BRINP1: variants seen among roughly 807,000 people sequenced by gnomAD.
BRINP1 encodes the protein BMP/retinoic acid inducible neural specific 1.
A neutral mutation model predicts 72.9 loss-of-function variants in BRINP1; 17 were observed. The observed-to-expected ratio is 0.23, with a 90% CI of 0.16 to 0.35. BRINP1 has a LOEUF of 0.35. BRINP1 is among the 10% of genes least tolerant of loss of function. The probability of loss-of-function intolerance (pLI) is 1.00; values close to 1 mark genes in which losing one functional copy is unlikely to be tolerated. For synonymous variants in BRINP1, 418 were observed against 378.5 expected (o/e 1.10, Z -1.21); for missense variants, 850 against 1,001.6 (o/e 0.85, Z 2.04).
At chr9:119,177,564 G>C (rs978945046) in intron 7 of BRINP1, among the ~76,000 whole-genome samples, 5 of 152,226 alleles carry the variant, frequency 3.3e-5, no homozygotes, top group African/African-American at 1.2e-4. Context: ...GAGTTCCTCT[G>C]TTCCCATCTG....
intron 2 of BRINP1, among the ~76,000 whole-genome samples, chr9:119,285,114 A>G (rs1830746238): frequency 6.6e-6 from 1 of 151,738 alleles, no homozygotes; most frequent in Non-Finnish European, 1.5e-5. Flanking sequence ...CACGGTTCCC[A>G]AGGCCTTCTG....
At chr9:119,344,439 G>A (rs1831432372) in intron 1 of BRINP1, among the ~76,000 whole-genome samples, 1 of 152,104 alleles carries the variant, frequency 6.6e-6, no homozygotes, top group Non-Finnish European at 1.5e-5. Flanking sequence ...ATACTGTCTT[G>A]CTCACTTTTA....
intron 7 of BRINP1, among the ~76,000 whole-genome samples, chr9:119,178,992 AC>A (rs1829522516): frequency 6.6e-6 from 1 of 152,128 alleles, no homozygotes; most frequent in South Asian, 2.1e-4. Flanking sequence ...TCCTCCACTC[AC>A]AGATAATTGG....
At position 119,312,576 on chromosome 9, in the gene BRINP1, G is replaced by A. The variant is rs114395510; in HGVS notation, c.218+562C>T. 8.3e-3 allele frequency among the ~76,000 whole-genome samples: 1,267 copies of A among 152,250 alleles called. 19 individuals are homozygous for A. The highest frequency in any genetic ancestry group is 0.029 in the African/African-American group (1,216 of 41,534). On this transcript the variant is annotated intron_variant, in intron 2 of 7. Transcript: ENST00000265922. Reference sequence around the variant, plus strand: ...TTTTTTGGATGAGTAGAATGTCAACGGTCCAAGAACCAGTACAGACCTGCT... The same window carrying A: ...TTTTTTGGATGAGTAGAATGTCAACAGTCCAAGAACCAGTACAGACCTGCT...
At chr9:119,287,502 G>A (rs929752535) in intron 2 of BRINP1, among the ~76,000 whole-genome samples, 8 of 152,164 alleles carry the variant, frequency 5.3e-5, no homozygotes, top group African/African-American at 1.7e-4. Flanking sequence ...CTCAATTGGT[G>A]AGATACATCA....
intron 2 of BRINP1, among the ~76,000 whole-genome samples, chr9:119,258,821 T>C (rs1205438697): frequency 6.6e-6 from 1 of 152,170 alleles, no homozygotes; most frequent in Non-Finnish European, 1.5e-5. Context: ...ACCTGGAAGA[T>C]AGGGAGTATG....
chr9:119,283,094 T>C (rs1830729206), intron 2 of BRINP1: 1 of 985,250 alleles, frequency 1.0e-6, no homozygotes, highest in East Asian at 1.1e-4. Flanking sequence ...AGACTAGCAG[T>C]TCACAGAGCT....
chr9:119,211,056 A>G (rs1161236157), intron 6 of BRINP1, among the ~76,000 whole-genome samples: 7 of 152,302 alleles, frequency 4.6e-5, no homozygotes, highest in African/African-American at 1.7e-4. Context: ...GAAAACATAA[A>G]GCTTATCTTG....
intron 1 of BRINP1, among the ~76,000 whole-genome samples, chr9:119,340,636 C>A (rs1831396932): frequency 6.6e-6 from 1 of 152,204 alleles, no homozygotes; most frequent in Non-Finnish European, 1.5e-5. Context: ...CTCTCCAAAC[C>A]TCATTTTCTG....
At chr9:119,172,002 T>C (rs1305523009) in intron 7 of BRINP1, among the ~76,000 whole-genome samples, 1 of 129,418 alleles carries the variant, frequency 7.7e-6, no homozygotes, top group Non-Finnish European at 1.5e-5. Context: ...GGGAAATTTA[T>C]AGCACTAAAT....
At chr9:119,207,795 T>A (rs180754410) in intron 7 of BRINP1, among the ~76,000 whole-genome samples, 404 of 152,302 alleles carry the variant, frequency 2.7e-3, no homozygotes, top group Non-Finnish European at 4.4e-3. Context: ...TAAGAGTGGA[T>A]CTTTTTCTTA....
At chr9:119,354,752 A>G (rs1280264273) in intron 1 of BRINP1, among the ~76,000 whole-genome samples, 1 of 152,112 alleles carries the variant, frequency 6.6e-6, no homozygotes, top group Non-Finnish European at 1.5e-5. Flanking sequence ...GCCTGTAGTC[A>G]CAGCTACATA....
At chr9:119,219,684 AG>A in intron 5 of BRINP1, among the ~76,000 whole-genome samples, 1 of 146,160 alleles carries the variant, frequency 6.8e-6, no homozygotes, top group Non-Finnish European at 1.5e-5. Flanking sequence ...AGAGAGAGAG[AG>A]AGAGAGAGAG....
At chr9:119,309,458 A>G (rs1169543941) in intron 2 of BRINP1, among the ~76,000 whole-genome samples, 1 of 152,234 alleles carries the variant, frequency 6.6e-6, no homozygotes, top group African/African-American at 2.4e-5. Context: ...CATTTGTGAT[A>G]TGGGACAATA....
At chr9:119,211,599 C>T (rs1428127245) in intron 6 of BRINP1, among the ~76,000 whole-genome samples, 5 of 152,206 alleles carry the variant, frequency 3.3e-5, no homozygotes, top group African/African-American at 1.2e-4. Context: ...GCCACCCACA[C>T]TCTGGAGCCA....
At position 119,291,041 on chromosome 9, in the gene BRINP1, T is replaced by A. The variant is rs557376954; in HGVS notation, c.218+22097A>T. On this transcript the variant is annotated intron_variant, in intron 2 of 7. Transcript: ENST00000265922. Reference sequence around the variant, plus strand: ...CGGAGGCTGAGGCAGGAGAAGCGCTTGAACCTGGGAGGCAGAGGTTGCAGT... The same window carrying A: ...CGGAGGCTGAGGCAGGAGAAGCGCTAGAACCTGGGAGGCAGAGGTTGCAGT... Among the ~76,000 whole-genome samples, 243 of 150,638 alleles carry A rather than the reference T, an allele frequency of 1.6e-3. 1 individual carries two copies. The highest frequency in any genetic ancestry group is 5.8e-3 in the African/African-American group (235 of 40,712).
Position 119,283,085 on chromosome 9 carries a change from G to C in BRINP1, c.218+30053C>G, listed in dbSNP as rs76514960. 1.5e-3 allele frequency: 1,460 copies of C among 985,388 alleles called. 15 individuals carry two copies. In the African/African-American group the frequency reaches 0.024, roughly 16 times the overall value. 61.0% of individuals were successfully genotyped at this position (985,388 alleles called of 1,614,324 possible). ...TTACGGAGAGGTAGAAAGAGGACCAGACTAGCAGTTCACAGAGCTTGGAGC... is the reference window on the plus strand; with the variant it reads ...TTACGGAGAGGTAGAAAGAGGACCACACTAGCAGTTCACAGAGCTTGGAGC... On this transcript the variant is annotated intron_variant, in intron 2 of 7. Coordinates refer to ENST00000265922, the MANE Select transcript of BRINP1 (RefSeq NM_014618.3).
intron 5 of BRINP1, among the ~76,000 whole-genome samples, chr9:119,225,976 A>G (rs1830087746): frequency 6.6e-6 from 1 of 152,102 alleles, no homozygotes; most frequent in Admixed American, 6.6e-5. Context: ...CATCTACTAT[A>G]AGCTAAACAC....
intron 1 of BRINP1, among the ~76,000 whole-genome samples, chr9:119,319,039 A>C (rs1187319373): frequency 6.6e-6 from 1 of 152,110 alleles, no homozygotes; most frequent in Admixed American, 6.6e-5. Context: ...GGTGGAGGCC[A>C]GGGGTGCTGC....
Sources: gnomAD v4.1 joint callset for allele counts (sites outside exome capture counted in the v4.1 genomes callset) on GRCh38, gnomAD v4.1.1 for gene constraint, MANE v1.5 for transcripts, NCBI Gene and HGNC (gene_info 2026-07-23, HGNC 2026-07-21) for gene names.